SNTG2: variants seen among roughly 807,000 people sequenced by gnomAD.
The protein encoded by SNTG2 is syntrophin gamma 2.
SNTG2 carries 74 observed loss-of-function variants against 70.9 expected under a neutral mutation model. The ratio of observed to expected loss-of-function variants is 1.04; its 90% CI spans 0.86 to 1.27. The LOEUF (loss-of-function observed/expected upper bound fraction) is 1.27, where lower values mean the gene tolerates loss of function less well. Ranked by LOEUF, SNTG2 falls within the 50% of genes most tolerant of loss-of-function variation. The probability of loss-of-function intolerance (pLI) is 0.00; values close to 1 mark genes in which losing one functional copy is unlikely to be tolerated. For missense variants in SNTG2, 717 were observed against 690.7 expected, an observed-to-expected ratio of 1.04 and a Z score of -0.43; for synonymous variants, 278 against 273.8, an observed-to-expected ratio of 1.02 and a Z score of -0.15.
At chr2:1,157,368 G>A (rs570370245) in intron 6 of SNTG2, among the ~76,000 whole-genome samples, 1 of 152,256 alleles carries the variant, frequency 6.6e-6, no homozygotes, top group South Asian at 2.1e-4. Flanking sequence ...CCGGCACCGC[G>A]GCTCGTGCGC....
chr2:1,113,790 G>C (rs112381857), intron 4 of SNTG2, among the ~76,000 whole-genome samples: 1 of 151,278 alleles, frequency 6.6e-6, no homozygotes, highest in East Asian at 2.0e-4. Context: ...GTCCTGTGAG[G>C]AGAATCGTGT....
At chr2:1,279,040 G>A (rs370796630) in intron 14 of SNTG2, among the ~76,000 whole-genome samples, 1 of 77,136 alleles carries the variant, frequency 1.3e-5, no homozygotes, top group African/African-American at 3.7e-5. Flanking sequence ...ATCACCCCCT[G>A]TCAGTGCGCG....
chr2:1,098,810 C>T (rs576446929), intron 4 of SNTG2, among the ~76,000 whole-genome samples: 3 of 152,346 alleles, frequency 2.0e-5, no homozygotes, highest in South Asian at 2.1e-4. Context: ...CGTAATGAGC[C>T]TGTTGCAGGA....
intron 9 of SNTG2, among the ~76,000 whole-genome samples, chr2:1,229,543 G>T (rs949896576): frequency 1.2e-4 from 18 of 152,260 alleles, no homozygotes; most frequent in African/African-American, 3.9e-4. Context: ...TCACCCAGTG[G>T]ATCCGGCACC....
chr2:1,216,868 G>C (rs914231120), intron 9 of SNTG2, among the ~76,000 whole-genome samples: 2 of 151,778 alleles, frequency 1.3e-5, no homozygotes, highest in East Asian at 2.0e-4. Context: ...TCATGATAGC[G>C]AGTGAATTCT....
chr2:1,025,353 T>G (rs977906787), intron 1 of SNTG2, among the ~76,000 whole-genome samples: 3 of 152,312 alleles, frequency 2.0e-5, no homozygotes, highest in Non-Finnish European at 4.4e-5. Flanking sequence ...GACTTCTGCA[T>G]GCAGGAGATG....
At chr2:1,244,111 A>C (rs1230553139) in intron 11 of SNTG2, among the ~76,000 whole-genome samples, 1 of 151,146 alleles carries the variant, frequency 6.6e-6, no homozygotes, top group Non-Finnish European at 1.5e-5. Context: ...GAAAAACATC[A>C]CTTTAAATCT....
intron 16 of SNTG2, among the ~76,000 whole-genome samples, chr2:1,361,052 C>T (rs1661114320): frequency 6.6e-6 from 1 of 152,206 alleles, no homozygotes; most frequent in Non-Finnish European, 1.5e-5. Context: ...CAGACACAGC[C>T]CTGAGCAGTA....
intron 1 of SNTG2, among the ~76,000 whole-genome samples, chr2:1,045,172 G>C (rs1173857934): frequency 6.6e-6 from 1 of 151,900 alleles, no homozygotes; most frequent in Non-Finnish European, 1.5e-5. Flanking sequence ...TTTCTAGTTT[G>C]TGTGCATAGT....
chr2:1,136,814 T>C (rs914415364), intron 4 of SNTG2, among the ~76,000 whole-genome samples: 1 of 152,242 alleles, frequency 6.6e-6, no homozygotes, highest in South Asian at 2.1e-4. Context: ...ACATGCTGCA[T>C]AGATTATAGT....
intron 13 of SNTG2, among the ~76,000 whole-genome samples, chr2:1,261,304 A>T (rs553938517): frequency 1.3e-5 from 2 of 152,354 alleles, no homozygotes; most frequent in East Asian, 3.9e-4. Context: ...ATGTAAATAA[A>T]TATGTGAGTA....
At chr2:1,255,901 T>TATATAAATATATATAAATATATATATAA in intron 12 of SNTG2, among the ~76,000 whole-genome samples, 1 of 100,446 alleles carries the variant, frequency 1.0e-5, no homozygotes, top group Non-Finnish European at 1.8e-5. Context: ...TATAAATATA[T>TATATAAATATATATAAATATATATATAA]ATATAAATAT....
At chr2:973,421 A>G (rs1362791376) in intron 1 of SNTG2, among the ~76,000 whole-genome samples, 1 of 151,882 alleles carries the variant, frequency 6.6e-6, no homozygotes, top group Non-Finnish European at 1.5e-5. Flanking sequence ...AGTTGAGTGT[A>G]AGGTTGAGGT....
intron 16 of SNTG2, among the ~76,000 whole-genome samples, chr2:1,332,601 A>G (rs1659592536): frequency 6.6e-6 from 1 of 152,234 alleles, no homozygotes; most frequent in African/African-American, 2.4e-5. Flanking sequence ...TATCAAATAG[A>G]TAATACACCA....
intron 9 of SNTG2, among the ~76,000 whole-genome samples, chr2:1,233,577 C>A (rs1227592625): frequency 6.6e-6 from 1 of 152,176 alleles, no homozygotes; most frequent in Non-Finnish European, 1.5e-5. Flanking sequence ...GTCAAGAGCG[C>A]AGGAAGAACG....
intron 7 of SNTG2, among the ~76,000 whole-genome samples, chr2:1,168,256 G>A (rs1670883805): frequency 1.4e-5 from 2 of 148,080 alleles, no homozygotes; most frequent in African/African-American, 2.5e-5. Context: ...CCTACAGGCC[G>A]CCCACAGACG....
At chr2:1,099,188 C>A (rs1166392191) in intron 4 of SNTG2, among the ~76,000 whole-genome samples, 3 of 152,176 alleles carry the variant, frequency 2.0e-5, no homozygotes. Context: ...GCCACTCCTC[C>A]CCTGCTCTCC....
chr2:1,156,697 G>A (rs999349757), intron 6 of SNTG2, among the ~76,000 whole-genome samples: 4 of 152,166 alleles, frequency 2.6e-5, no homozygotes, highest in East Asian at 1.9e-4. Flanking sequence ...CCAGGGGTTC[G>A]GTTTGAGGAG....
Position 1,295,528 on chromosome 2 carries a change from C to T in SNTG2, c.1285-12966C>T, listed in dbSNP as rs185236746. Among the ~76,000 whole-genome samples, 683 of 152,298 alleles carry T rather than the reference C, an allele frequency of 4.5e-3. 6 individuals carry two copies. The highest frequency in any genetic ancestry group is 0.015 in the African/African-American group (640 of 41,554). On this transcript the variant is annotated intron_variant, in intron 14 of 16. Coordinates refer to ENST00000308624, the MANE Select transcript of SNTG2 (RefSeq NM_018968.4). ...AGAAATGTAATGATTGAGGAAATTT[C>T]GAGTGACATAGGAATGACAGCCGTA...
Sources: allele counts gnomAD v4.1 joint callset (sites outside exome capture counted in the v4.1 genomes callset), GRCh38; gene constraint gnomAD v4.1.1; transcripts MANE v1.5; gene names NCBI Gene and HGNC (gene_info 2026-07-23, HGNC 2026-07-21).